Variants in NR2F1-AS1 observed in about 807,000 individuals in gnomAD.
NR2F1-AS1 encodes NR2F1 regulatory antisense RNA 1.
rs146075293 is a variant in NR2F1-AS1 at position 93,479,609 on chromosome 5, T to C, written n.638+74152A>G. ...TTACGGTATTCAAAATGTCCAGTTC[T>C]CAACAAAAAATTATGAAGCACACAA... On this transcript the variant is annotated intron_variant and non_coding_transcript_variant, in intron 4 of 5. Coordinates refer to ENST00000660523, the Ensembl canonical transcript of NR2F1-AS1. 2.1e-3 allele frequency among the ~76,000 whole-genome samples: 321 copies of C among 152,246 alleles called. 2 individuals carry two copies. Among genetic ancestry groups the C allele is most frequent in the African/African-American group, 6.8e-3 (284 of 41,562 alleles).
upstream of NR2F1-AS1, chr5:93,584,180 C>T (rs1208974548): frequency 6.7e-6 from 1 of 148,790 alleles, no homozygotes; most frequent in Non-Finnish European, 1.5e-5. Context: ...CCGCGGGCGG[C>T]CCCGGCCTCC....
intron 4 of NR2F1-AS1, chr5:93,496,173 A>G (rs1183650953): frequency 2.6e-5 from 4 of 152,206 alleles, no homozygotes; most frequent in Non-Finnish European, 5.9e-5. Flanking sequence ...CATAGATCAG[A>G]TAGTAATATA....
At chr5:93,581,473 G>A (rs1420178839), upstream of NR2F1-AS1, among the ~76,000 whole-genome samples, 1 of 152,106 alleles carries the variant, frequency 6.6e-6, no homozygotes, top group Non-Finnish European at 1.5e-5. Flanking sequence ...TGCTGTCTTC[G>A]TTTGGAGAAA....
intron 4 of NR2F1-AS1, among the ~76,000 whole-genome samples, chr5:93,508,058 T>TC (rs1751222532): frequency 1.3e-5 from 2 of 152,192 alleles, no homozygotes; most frequent in Admixed American, 1.3e-4. Context: ...CTAAATTATT[T>TC]CTATAAATTC....
chr5:93,455,322 T>C (rs1270590134), intron 4 of NR2F1-AS1, among the ~76,000 whole-genome samples: 1 of 152,180 alleles, frequency 6.6e-6, no homozygotes. Flanking sequence ...ATATGTAAAG[T>C]TGTATGATAT....
chr5:93,467,520 A>C (rs1179286765), intron 4 of NR2F1-AS1, among the ~76,000 whole-genome samples: 3 of 152,104 alleles, frequency 2.0e-5, no homozygotes, highest in Non-Finnish European at 4.4e-5. Flanking sequence ...CGTTCAGTTG[A>C]TTTGACTTTA....
intron 4 of NR2F1-AS1, among the ~76,000 whole-genome samples, chr5:93,451,069 T>C (rs528706391): frequency 6.6e-6 from 1 of 152,048 alleles, no homozygotes; most frequent in African/African-American, 2.4e-5. Context: ...TCTCAAACAC[T>C]AATGAGGTGA....
intron 4 of NR2F1-AS1, among the ~76,000 whole-genome samples, chr5:93,538,130 C>A (rs1048788375): frequency 7.2e-5 from 11 of 152,060 alleles, no homozygotes; most frequent in African/African-American, 2.2e-4. Context: ...CCTGAACTGG[C>A]ATAATGGGTT....
intron 1 of NR2F1-AS1, among the ~76,000 whole-genome samples, chr5:93,574,945 G>A (rs1752863223): frequency 6.6e-6 from 1 of 152,212 alleles, no homozygotes; most frequent in Admixed American, 6.5e-5. Flanking sequence ...GGGTGGGAAG[G>A]AGAGGAGTTA....
intron 4 of NR2F1-AS1, among the ~76,000 whole-genome samples, chr5:93,438,046 T>C (rs1006920988): frequency 6.6e-6 from 1 of 152,184 alleles, no homozygotes; most frequent in Non-Finnish European, 1.5e-5. Context: ...ACAAAGATAA[T>C]GTCAACCTCC....
At chr5:93,523,251 A>T (rs1751541444) in intron 4 of NR2F1-AS1, among the ~76,000 whole-genome samples, 1 of 152,118 alleles carries the variant, frequency 6.6e-6, no homozygotes, top group Admixed American at 6.5e-5. Context: ...AACTGGATGG[A>T]GCCCAAGGCA....
intron 4 of NR2F1-AS1, among the ~76,000 whole-genome samples, chr5:93,507,998 C>T (rs544583723): frequency 5.3e-4 from 81 of 152,174 alleles, no homozygotes; most frequent in Non-Finnish European, 9.3e-4. Flanking sequence ...GGAACATATA[C>T]CATGTTGGTA....
At chr5:93,467,439 C>A (rs1750262654) in intron 4 of NR2F1-AS1, among the ~76,000 whole-genome samples, 1 of 152,108 alleles carries the variant, frequency 6.6e-6, no homozygotes, top group Non-Finnish European at 1.5e-5. Context: ...CCTCATACTT[C>A]TTAGCTTCCC....
chr5:93,423,941 C>T (rs1196544000), intron 4 of NR2F1-AS1, among the ~76,000 whole-genome samples: 1 of 152,118 alleles, frequency 6.6e-6, no homozygotes. Flanking sequence ...TTCCATGGTC[C>T]TCATTTCATT....
chr5:93,483,654 A>T (rs1750650107), intron 4 of NR2F1-AS1, among the ~76,000 whole-genome samples: 1 of 152,194 alleles, frequency 6.6e-6, no homozygotes, highest in Admixed American at 6.5e-5. Flanking sequence ...AACTCCTCTG[A>T]GCTAAAGGAG....
chr5:93,515,712 T>A (rs1751387838), intron 4 of NR2F1-AS1, among the ~76,000 whole-genome samples: 1 of 151,900 alleles, frequency 6.6e-6, no homozygotes. Flanking sequence ...CAGAAAATCT[T>A]TCCTGTCTGC....
At chr5:93,499,439 T>C (rs1400355519) in intron 4 of NR2F1-AS1, among the ~76,000 whole-genome samples, 1 of 152,184 alleles carries the variant, frequency 6.6e-6, no homozygotes, top group African/African-American at 2.4e-5. Context: ...TTTCCAACTT[T>C]TTCATTATTA....
At chr5:93,478,768 A>G (rs1463128189) in intron 4 of NR2F1-AS1, among the ~76,000 whole-genome samples, 1 of 152,208 alleles carries the variant, frequency 6.6e-6, no homozygotes, top group African/African-American at 2.4e-5. Context: ...GAAGGTTTAT[A>G]CTATTTGAAC....
chr5:93,547,703 G>A, intron 4 of NR2F1-AS1, among the ~76,000 whole-genome samples: 1 of 151,898 alleles, frequency 6.6e-6, no homozygotes, highest in Admixed American at 6.6e-5. Context: ...TCCAGGCCAA[G>A]GAAGGATTTA....
Sources: gnomAD v4.1 joint callset for allele counts (sites outside exome capture counted in the v4.1 genomes callset) on GRCh38, gnomAD v4.1.1 for gene constraint, MANE v1.5 for transcripts, NCBI Gene and HGNC (gene_info 2026-07-23, HGNC 2026-07-21) for gene names.